Variants in MYO5C observed in about 807,000 individuals in gnomAD.
The protein encoded by MYO5C is unconventional myosin-Vc.
Under a neutral mutation model 235.7 loss-of-function variants are expected in MYO5C, and 194 were observed. The observed-to-expected ratio is 0.82, with a 90% CI of 0.73 to 0.93. The LOEUF (loss-of-function observed/expected upper bound fraction) is 0.93, where lower values mean the gene tolerates loss of function less well. Ranked by LOEUF, MYO5C falls within the 40% of genes least tolerant of loss-of-function variation. The pLI, the probability that MYO5C is intolerant of heterozygous loss-of-function variation, is 0.00. For synonymous variants in MYO5C, 707 were observed against 754.8 expected (o/e 0.94, Z 1.04); for missense variants, 2,038 against 2,127.2 (o/e 0.96, Z 0.82).
intron 29 of MYO5C, among the ~76,000 whole-genome samples, chr15:52,222,329 G>A (rs77710426): frequency 6.6e-6 from 1 of 152,272 alleles, no homozygotes; most frequent in East Asian, 1.9e-4. Context: ...CCCCACTACC[G>A]TTCCCTGTGT....
intron 8 of MYO5C, among the ~76,000 whole-genome samples, chr15:52,265,695 C>T (rs183012636): frequency 7.9e-5 from 12 of 152,146 alleles, no homozygotes; most frequent in African/African-American, 1.9e-4. Context: ...TGCGCCACCA[C>T]GCCCAGCTAA....
intron 3 of MYO5C, among the ~76,000 whole-genome samples, 163 bp from the exon 4 acceptor site, chr15:52,279,180 C>A (rs2037113051): frequency 6.6e-6 from 1 of 151,994 alleles, no homozygotes; most frequent in African/African-American, 2.4e-5. Flanking sequence ...GTCACCTACA[C>A]CCTCGGGCTG....
intron 1 of MYO5C, among the ~76,000 whole-genome samples, chr15:52,291,731 G>GTTTTTTTTT (rs1196328559): frequency 0.065 from 3,388 of 52,434 alleles, 1,179 homozygotes; most frequent in Non-Finnish European, 0.087. Flanking sequence ...CATATTTTAT[G>GTTTTTTTTT]TTTTTTTTTT....
chr15:52,249,408 T>C lies in MYO5C; in HGVS notation c.1663-625A>G, dbSNP rs536652103. ...TTCAACATTCAACCTCCCCCTAGTTTATGCCTCTGGATTGCATATCTTAAT... is the reference window on the plus strand; with the variant it reads ...TTCAACATTCAACCTCCCCCTAGTTCATGCCTCTGGATTGCATATCTTAAT... On this transcript the variant is annotated intron_variant, in intron 13 of 40. Transcript: ENST00000261839. 3.9e-5 allele frequency among the ~76,000 whole-genome samples: 6 copies of C among 152,344 alleles called. No individual in the cohort carries two copies. In the South Asian group the frequency reaches 1.2e-3, roughly 32 times the overall value.
intron 13 of MYO5C, among the ~76,000 whole-genome samples, chr15:52,249,516 G>A (rs2036426666): frequency 6.6e-6 from 1 of 152,170 alleles, no homozygotes; most frequent in South Asian, 2.1e-4. Flanking sequence ...AGGGGAGAGT[G>A]CTGGAATCCG....
intron 20 of MYO5C, among the ~76,000 whole-genome samples, chr15:52,241,299 A>ACCC (rs1266967582): frequency 9.0e-6 from 1 of 110,958 alleles, no homozygotes; most frequent in African/African-American, 3.5e-5. Flanking sequence ...TCACTCTGTC[A>ACCC]CCCAGGCTGG....
chr15:52,238,710 C>T lies in MYO5C; in HGVS notation c.2703+1023G>A, dbSNP rs146554606. 1.4e-3 allele frequency among the ~76,000 whole-genome samples: 206 copies of T among 144,348 alleles called. 2 individuals carry two copies. The East Asian group carries it at 0.032, about 23-fold the overall frequency. 94.7% of individuals were successfully genotyped at this position (144,348 alleles called of 152,430 possible). A position where few individuals can be genotyped will look rare whatever the true frequency, so the allele number is the denominator to read the frequency against. On this transcript the variant is annotated intron_variant, in intron 21 of 40. Transcript: ENST00000261839. ...AGGCTGGAGTGCAGTGGCGCGATCT[C>T]GGCTCACTGCAAGCTCCGCCTCCCA...
chr15:52,258,311 A>G (rs1246791957), intron 10 of MYO5C, among the ~76,000 whole-genome samples: 1 of 152,170 alleles, frequency 6.6e-6, no homozygotes, highest in East Asian at 1.9e-4. Context: ...CCTGCAAGAG[A>G]GGCCCCATCT....
In MYO5C at chr15:52,213,260, G is replaced by A; in HGVS notation, c.4069C>T (p.Pro1357Ser). 6.2e-7 allele frequency: 1 copy of A among 1,613,662 alleles called. No individual in the cohort carries two copies. Among genetic ancestry groups the A allele is most frequent in the Middle Eastern group, 1.7e-4 (1 of 6,060 alleles). ...TGCAGCATTCCAAGGTACTCCTTGG[G>A]TCCTGAGGACGAGTGCACATCATTG... ...KANDVHSSSG[P>S]KEYLGMLQYK... Residue 1357 changes from proline (P) to serine (S), a missense_variant, in exon 34 of 41, where the codon CCC becomes TCC. By Grantham distance (74) the Pro-to-Ser change is moderately conservative. Coordinates refer to ENST00000261839, the MANE Select transcript of MYO5C (RefSeq NM_018728.4).
At chr15:52,227,911 T>G in intron 25 of MYO5C, among the ~76,000 whole-genome samples, 1 of 152,346 alleles carries the variant, frequency 6.6e-6, no homozygotes, top group Non-Finnish European at 1.5e-5. Flanking sequence ...TCTACTAATA[T>G]GTATTTCACA....
intron 38 of MYO5C, 102 bp from the exon 39 acceptor site, chr15:52,196,585 C>A (rs1376097975): frequency 1.9e-6 from 2 of 1,075,250 alleles, no homozygotes; most frequent in Non-Finnish European, 2.7e-6. Context: ...TCCTTAAGAC[C>A]ACAGCTCAGC....
chr15:52,253,204 A>T, intron 12 of MYO5C, 113 bp downstream of exon 12: 1 of 1,080,112 alleles, frequency 9.3e-7, no homozygotes, highest in African/African-American at 1.6e-5. Flanking sequence ...TATCCATCCA[A>T]CCAACTGGAT....
At position 52,208,553 on chromosome 15, in the gene MYO5C, C is replaced by G; in HGVS notation, c.4386+1G>C. On this transcript the variant is annotated splice_donor_variant, in intron 36 of 40. Coordinates refer to ENST00000261839, the MANE Select transcript of MYO5C (RefSeq NM_018728.4). LOFTEE classifies it high-confidence loss of function. ...ACAACAAGCAGGTGGGCGCCCCCTA[C>G]CTCTTCTCCGCTGTACTGCTTCAGG... is the stretch of plus-strand genomic sequence containing the variant. 6.2e-7 allele frequency: 1 copy of G among 1,613,824 alleles called. No homozygotes were observed. Among genetic ancestry groups the G allele is most frequent in the South Asian group, 1.1e-5 (1 of 91,048 alleles).
At chr15:52,210,689 C>T (rs1287147687) in intron 35 of MYO5C, among the ~76,000 whole-genome samples, 1 of 152,194 alleles carries the variant, frequency 6.6e-6, no homozygotes. Flanking sequence ...TTTTACAAAG[C>T]AACTATCCCT....
At chr15:52,277,196 C>G in intron 4 of MYO5C, 1 of 530,702 alleles carries the variant, frequency 1.9e-6, no homozygotes, top group South Asian at 1.4e-5. Context: ...AGGGACACTA[C>G]CTGTCTAGCA....
In MYO5C at chr15:52,193,158, C is replaced by T. The variant is rs2034970952; in HGVS notation, c.*744G>A. The T allele has an allele frequency of 6.6e-6, 1 of 151,842 alleles. No individual in the cohort carries two copies. Among genetic ancestry groups the T allele is most frequent in the Admixed American group, 6.6e-5 (1 of 15,214 alleles). 9.4% of individuals were successfully genotyped at this position (151,842 alleles called of 1,614,324 possible). A position where few individuals can be genotyped will look rare whatever the true frequency, so the allele number is the denominator to read the frequency against. On this transcript the variant is annotated 3_prime_UTR_variant, in exon 41 of 41. Transcript: ENST00000261839. ...GTGAAACCTGTCTCCACTAAAAATA[C>T]AAAAATTAGCTGGGCGTGGTGGCAG...
Position 52,295,759 on chromosome 15 carries a change from C to A in MYO5C, c.-123G>T. On this transcript the variant is annotated 5_prime_UTR_variant, in exon 1 of 41. Transcript: ENST00000261839. Reference sequence around the variant, plus strand: ...GGAAATCACCGCCGGGCCATCTTGCCCAAAGTTTTCCAACGGCCTCCTGTT... The same window carrying A: ...GGAAATCACCGCCGGGCCATCTTGCACAAAGTTTTCCAACGGCCTCCTGTT... 1 of 611,680 alleles carries A rather than the reference C, an allele frequency of 1.6e-6. No homozygotes were observed. Among genetic ancestry groups the A allele is most frequent in the Non-Finnish European group, 2.5e-6 (1 of 401,536 alleles). 37.9% of individuals were successfully genotyped at this position (611,680 alleles called of 1,614,324 possible).
rs539158493 is a variant in MYO5C, at chr15:52,219,077, C to G, written c.3786-390G>C. On this transcript the variant is annotated intron_variant, in intron 31 of 40. Transcript: ENST00000261839. ...ATCAGACAGAAGAGAGGAGGAGAGACCATTAGAAGAGTTCCAAAATGGTGC... is the reference window on the plus strand; with the variant it reads ...ATCAGACAGAAGAGAGGAGGAGAGAGCATTAGAAGAGTTCCAAAATGGTGC... Among the ~76,000 whole-genome samples the G allele has an allele frequency of 3.9e-5, 6 of 152,320 alleles. 1 individual carries two copies. The South Asian group carries it at 1.2e-3, about 32-fold the overall frequency.
In MYO5C at chr15:52,229,286, T is replaced by A; in HGVS notation, c.3054A>T (p.Lys1018Asn). The change falls in exon 25 of 41, where the codon AAA becomes AAT. Residue 1018 changes from lysine to asparagine, a missense_variant. Lys to Asn is a moderately conservative substitution (Grantham distance 94). Coordinates refer to ENST00000261839, the MANE Select transcript of MYO5C (RefSeq NM_018728.4). ...GAATCTGCTTCTCATAGTCTTGTGTTTTCAGTTCAAAACTTTTTTCAAGAA... is the reference window on the plus strand; with the variant it reads ...GAATCTGCTTCTCATAGTCTTGTGTATTCAGTTCAAAACTTTTTTCAAGAA... ...RMLLEKSFEL[K>N]TQDYEKQIQS... The A allele has an allele frequency of 6.2e-7, 1 of 1,613,988 alleles. No individual in the cohort carries two copies. The highest frequency in any genetic ancestry group is 8.5e-7 in the Non-Finnish European group (1 of 1,180,002).
Sources: allele counts gnomAD v4.1 joint callset (sites outside exome capture counted in the v4.1 genomes callset), GRCh38; gene constraint gnomAD v4.1.1; transcripts MANE v1.5; gene names NCBI Gene and HGNC (gene_info 2026-07-23, HGNC 2026-07-21).